Variants in TSPAN11 observed in about 807,000 individuals in gnomAD.
TSPAN11 encodes tetraspanin 11, also known as tetraspanin-11.
TSPAN11 carries 29 observed loss-of-function variants against 32.9 expected under a neutral mutation model. The observed-to-expected ratio is 0.88, with a 90% CI of 0.66 to 1.20. The LOEUF (loss-of-function observed/expected upper bound fraction) is 1.20, where lower values mean the gene tolerates loss of function less well. Ranked by LOEUF, TSPAN11 falls within the 50% of genes most tolerant of loss-of-function variation. TSPAN11 has a pLI of 0.00. For synonymous variants in TSPAN11, 140 were observed against 141.3 expected, an observed-to-expected ratio of 0.99 and a Z score of 0.07; for missense variants, 283 against 329.1, an observed-to-expected ratio of 0.86 and a Z score of 1.08.
intron 1 of TSPAN11, among the ~76,000 whole-genome samples, chr12:30,941,104 A>G (rs887857167): frequency 8.5e-5 from 13 of 152,270 alleles, no homozygotes; most frequent in Non-Finnish European, 2.9e-5. Context: ...ATCCTTGAAC[A>G]GCATGTGTTT....
intron 1 of TSPAN11, among the ~76,000 whole-genome samples, chr12:30,928,033 G>T (rs1322438826): frequency 5.3e-5 from 8 of 152,152 alleles, no homozygotes; most frequent in African/African-American, 1.7e-4. Flanking sequence ...AGAGCTGTTT[G>T]GTTTGTGGGT....
At chr12:31,009,541 G>A in the TSPAN11 span, among the ~76,000 whole-genome samples, 2 of 152,168 alleles carry the variant, frequency 1.3e-5, no homozygotes, top group African/African-American at 4.8e-5. Flanking sequence ...CCATGAAGGA[G>A]GGAAGCAGCA....
intron 1 of TSPAN11, among the ~76,000 whole-genome samples, chr12:30,936,176 C>T (rs945160608): frequency 6.9e-6 from 1 of 145,928 alleles, no homozygotes; most frequent in Non-Finnish European, 1.5e-5. Context: ...TTCTCTGTCA[C>T]CTTCTTTGCT....
chr12:30,984,544 G>A (rs979203680), intron 7 of TSPAN11, among the ~76,000 whole-genome samples: 2 of 131,458 alleles, frequency 1.5e-5, no homozygotes, highest in Admixed American at 7.5e-5. Context: ...AGTGTTCTTC[G>A]CTTTTTGCTT....
chr12:30,959,779 CAAAAAAAAAAAA>C (rs1169712019), intron 2 of TSPAN11, among the ~76,000 whole-genome samples: 1 of 39,678 alleles, frequency 2.5e-5, no homozygotes, highest in African/African-American at 8.8e-5. Flanking sequence ...GACTCTGTCT[CAAAAAAAAAAAA>C]AAAAAAAACC....
At chr12:30,955,857 C>A (rs894442565) in intron 2 of TSPAN11, among the ~76,000 whole-genome samples, 2 of 152,190 alleles carry the variant, frequency 1.3e-5, no homozygotes, top group African/African-American at 4.8e-5. Context: ...ACCCTAATGA[C>A]CTCATCTTAA....
intron 1 of TSPAN11, among the ~76,000 whole-genome samples, chr12:30,927,767 A>G (rs930908256): frequency 6.6e-6 from 1 of 152,150 alleles, no homozygotes; most frequent in Non-Finnish European, 1.5e-5. Context: ...TAGAGGCTGG[A>G]GACAGGTTTG....
At chr12:30,969,314 TCA>T (rs1938801425) in intron 3 of TSPAN11, among the ~76,000 whole-genome samples, 1 of 152,150 alleles carries the variant, frequency 6.6e-6, no homozygotes, top group African/African-American at 2.4e-5. Context: ...TGTTGCTCCA[TCA>T]GCCACCCAGC....
At chr12:30,951,322 A>G (rs1301829705) in intron 1 of TSPAN11, among the ~76,000 whole-genome samples, 1 of 152,196 alleles carries the variant, frequency 6.6e-6, no homozygotes, top group Non-Finnish European at 1.5e-5. Context: ...GTGACTAAGT[A>G]TCTAACTAAA....
At chr12:30,962,663 G>T (rs1938636416) in intron 2 of TSPAN11, among the ~76,000 whole-genome samples, 2 of 152,162 alleles carry the variant, frequency 1.3e-5, no homozygotes, top group Non-Finnish European at 2.9e-5. Flanking sequence ...AAGGCTCAGG[G>T]GGCATGGACA....
chr12:31,008,902 G>T, the TSPAN11 span, among the ~76,000 whole-genome samples: 1 of 152,144 alleles, frequency 6.6e-6, no homozygotes, highest in African/African-American at 2.4e-5. Flanking sequence ...GGAGAGACTC[G>T]GAAGGTCACC....
chr12:31,014,808 T>A, the TSPAN11 span, among the ~76,000 whole-genome samples: 25 of 152,304 alleles, frequency 1.6e-4, no homozygotes, highest in African/African-American at 6.0e-4. Context: ...AGTCATGTAG[T>A]AATATTTTTA....
chr12:30,967,823 T>TTTTTTTTTTTTTTTTGTGA, intron 3 of TSPAN11, among the ~76,000 whole-genome samples: 1 of 151,768 alleles, frequency 6.6e-6, no homozygotes, highest in South Asian at 2.1e-4. Context: ...CTTTGCTTTA[T>TTTTTTTTTTTTTTTTGTGA]CTGCCCCTCT....
At chr12:30,958,733 AAGTC>A (rs1300925310) in intron 2 of TSPAN11, among the ~76,000 whole-genome samples, 1 of 152,090 alleles carries the variant, frequency 6.6e-6, no homozygotes, top group African/African-American at 2.4e-5. Context: ...GGTGGTTACT[AAGTC>A]AGGTCTTTCA....
At chr12:30,980,219 G>C (rs943325969) in intron 5 of TSPAN11, among the ~76,000 whole-genome samples, 2 of 152,236 alleles carry the variant, frequency 1.3e-5, no homozygotes, top group African/African-American at 4.8e-5. Context: ...AATCCCTCCA[G>C]GGACACCCAC....
At position 30,931,826 on chromosome 12, in the gene TSPAN11, G is replaced by GCCGAGAT. The variant is rs1360422721; in HGVS notation, c.-12+5032_-12+5038dup. On this transcript the variant is annotated intron_variant, in intron 1 of 7. Coordinates refer to ENST00000546076, the MANE Select transcript of TSPAN11 (RefSeq NM_001370302.1). ...ATCTGGGAGATGGAGGTTGCAGTGAGCCGAGATCGCACCACTGCACTCCAG... is the reference window on the plus strand; with the variant it reads ...ATCTGGGAGATGGAGGTTGCAGTGAGCCGAGATCCGAGATCGCACCACTGCACTCCAG... 1.7e-4 allele frequency among the ~76,000 whole-genome samples: 24 copies of GCCGAGAT among 140,442 alleles called. No homozygotes were observed. The East Asian group carries it at 1.9e-3, about 11-fold the overall frequency. The allele number at this position is 140,442 out of a possible 152,430, so 92.1% of individuals were successfully genotyped here.
chr12:30,948,731 C>T (rs1303857990), intron 1 of TSPAN11, among the ~76,000 whole-genome samples: 1 of 152,208 alleles, frequency 6.6e-6, no homozygotes, highest in Non-Finnish European at 1.5e-5. Flanking sequence ...CTGACATGCC[C>T]TGGAGATATT....
At chr12:30,959,489 C>T (rs1019861117) in intron 2 of TSPAN11, among the ~76,000 whole-genome samples, 7 of 152,160 alleles carry the variant, frequency 4.6e-5, no homozygotes, top group Non-Finnish European at 1.0e-4. Flanking sequence ...GGCTTGGACT[C>T]GGACACCGCG....
intron 2 of TSPAN11, among the ~76,000 whole-genome samples, chr12:30,955,829 C>T (rs923585347): frequency 3.3e-5 from 5 of 152,232 alleles, no homozygotes; most frequent in Non-Finnish European, 7.3e-5. Context: ...GGACACCAGT[C>T]ATATTAGATT....
Sources: allele counts gnomAD v4.1 joint callset (sites outside exome capture counted in the v4.1 genomes callset), GRCh38; gene constraint gnomAD v4.1.1; transcripts MANE v1.5; gene names NCBI Gene and HGNC (gene_info 2026-07-23, HGNC 2026-07-21).